Variants in SPMIP11 observed in about 807,000 individuals in gnomAD.
The protein encoded by SPMIP11 is long intergenic non-protein coding RNA 935.
chr12:48,768,296 T>C, the SPMIP11 span: 2 of 477,908 alleles, frequency 4.2e-6, no homozygotes, highest in Non-Finnish European at 7.7e-6. Context: ...GAGGCCTCCC[T>C]CTGCTTCTGC....
chr12:48,727,862 C>A, the SPMIP11 span, among the ~76,000 whole-genome samples: 1 of 152,028 alleles, frequency 6.6e-6, no homozygotes, highest in South Asian at 2.1e-4. Context: ...CCAGCCTGGG[C>A]AACATAGTAA....
the SPMIP11 span, among the ~76,000 whole-genome samples, chr12:48,735,026 AG>A: frequency 6.8e-6 from 1 of 146,054 alleles, no homozygotes; most frequent in African/African-American, 2.5e-5. Flanking sequence ...AAAAAAAAGA[AG>A]AGGAGGAGGA....
chr12:48,758,254 T>G, the SPMIP11 span, among the ~76,000 whole-genome samples: 23 of 152,258 alleles, frequency 1.5e-4, no homozygotes, highest in East Asian at 3.1e-3. Context: ...AAACTACACA[T>G]GGTGGATAGT....
chr12:48,731,734 C>T, the SPMIP11 span, among the ~76,000 whole-genome samples: 1 of 152,264 alleles, frequency 6.6e-6, no homozygotes, highest in South Asian at 2.1e-4. Context: ...TTTCTGACCC[C>T]TCATCTCTCT....
chr12:48,749,758 C>T, the SPMIP11 span, among the ~76,000 whole-genome samples: 5 of 149,722 alleles, frequency 3.3e-5, no homozygotes, highest in Non-Finnish European at 5.9e-5. Flanking sequence ...GTGGCCCAAC[C>T]TCAGCTCACT....
chr12:48,738,304 T>A, the SPMIP11 span, among the ~76,000 whole-genome samples: 1 of 151,582 alleles, frequency 6.6e-6, no homozygotes, highest in Admixed American at 6.6e-5. Context: ...AAGCAACTTA[T>A]CTCGATAATT....
the SPMIP11 span, among the ~76,000 whole-genome samples, chr12:48,735,003 CAA>C: frequency 1.5e-4 from 13 of 84,104 alleles, no homozygotes; most frequent in African/African-American, 5.1e-4. Context: ...GACTCTGTCT[CAA>C]AAAAAAAAAA....
chr12:48,727,791 T>G, the SPMIP11 span, among the ~76,000 whole-genome samples: 1 of 152,206 alleles, frequency 6.6e-6, no homozygotes, highest in South Asian at 2.1e-4. Flanking sequence ...GTAGCTCACA[T>G]GCAATTCCAG....
At chr12:48,737,250 C>G in the SPMIP11 span, among the ~76,000 whole-genome samples, 1 of 151,558 alleles carries the variant, frequency 6.6e-6, no homozygotes, top group African/African-American at 2.4e-5. Context: ...ATCGCCCGGT[C>G]TCTGGAAACT....
chr12:48,753,553 C>T, the SPMIP11 span, among the ~76,000 whole-genome samples: 1 of 152,128 alleles, frequency 6.6e-6, no homozygotes. Flanking sequence ...GCTGGAATGT[C>T]TTCTGCTCAA....
At chr12:48,727,534 GA>G in the SPMIP11 span, 1 of 702,626 alleles carries the variant, frequency 1.4e-6, no homozygotes, top group South Asian at 1.5e-5. Context: ...TTCAGAACAA[GA>G]AAAGGAACAC....
the SPMIP11 span, among the ~76,000 whole-genome samples, chr12:48,752,423 A>C: frequency 6.6e-6 from 1 of 152,156 alleles, no homozygotes; most frequent in African/African-American, 2.4e-5. Flanking sequence ...CCGACCAGTG[A>C]CCAGAACTCT....
chr12:48,745,571 GC>G, the SPMIP11 span, among the ~76,000 whole-genome samples: 1 of 152,164 alleles, frequency 6.6e-6, no homozygotes, highest in East Asian at 1.9e-4. Context: ...GCACCTCCCA[GC>G]CTGGGTGACA....
the SPMIP11 span, chr12:48,768,428 A>C: frequency 1.0e-6 from 1 of 993,532 alleles, no homozygotes; most frequent in South Asian, 1.5e-5. Flanking sequence ...TTCCAGCTTG[A>C]GGGCAGACGA....
chr12:48,761,859 AC>A, the SPMIP11 span, among the ~76,000 whole-genome samples: 1 of 148,808 alleles, frequency 6.7e-6, no homozygotes, highest in Non-Finnish European at 1.5e-5. Context: ...AGTAGCTGAG[AC>A]TACAGGCATG....
chr12:48,736,383 C>T, the SPMIP11 span, among the ~76,000 whole-genome samples: 1 of 143,824 alleles, frequency 7.0e-6, no homozygotes, highest in East Asian at 2.0e-4. Flanking sequence ...CACTGCACTC[C>T]AGCCTGGGCA....
chr12:48,742,277 C>CTTTTTTTTTTTTTTTTTTTTTTT, the SPMIP11 span, among the ~76,000 whole-genome samples: 2 of 87,222 alleles, frequency 2.3e-5, no homozygotes, highest in African/African-American at 4.6e-5. Flanking sequence ...CTTTTCTTTT[C>CTTTTTTTTTTTTTTTTTTTTTTT]CTTTTTTTTT....
chr12:48,747,725 A>G, the SPMIP11 span, among the ~76,000 whole-genome samples: 1 of 152,134 alleles, frequency 6.6e-6, no homozygotes, highest in Non-Finnish European at 1.5e-5. Flanking sequence ...CCACCTGAAA[A>G]TTACATTCAA....
the SPMIP11 span, among the ~76,000 whole-genome samples, chr12:48,745,279 A>G: frequency 3.0e-4 from 45 of 148,652 alleles, 1 homozygote; most frequent in Middle Eastern, 0.021. Flanking sequence ...CTCCATCTCA[A>G]AAAAAAAAAA....
Sources: gnomAD v4.1 joint callset for allele counts (sites outside exome capture counted in the v4.1 genomes callset) on GRCh38, gnomAD v4.1.1 for gene constraint, MANE v1.5 for transcripts, NCBI Gene and HGNC (gene_info 2026-07-23, HGNC 2026-07-21) for gene names.